Variants in THBS4 observed in about 807,000 individuals in gnomAD.
The protein encoded by THBS4 is thrombospondin-4.
Under a neutral mutation model 115.7 loss-of-function variants are expected in THBS4, and 90 were observed. That is an observed-to-expected ratio of 0.78 (90% CI 0.66 to 0.93). THBS4 has a LOEUF of 0.93. THBS4 is among the 40% of genes least tolerant of loss of function. THBS4 has a pLI of 0.00. For missense variants in THBS4, 1,087 were observed against 1,232.7 expected (o/e 0.88, Z 1.77); for synonymous variants, 460 against 479.3 (o/e 0.96, Z 0.53).
Position 80,055,975 on chromosome 5 carries a change from T to C in THBS4, c.483T>C (p.Ala161=), listed in dbSNP as rs1439987626. The C allele has an allele frequency of 1.2e-6, 2 of 1,613,872 alleles. No homozygotes were observed. Among genetic ancestry groups the C allele is most frequent in the Middle Eastern group, 1.7e-4 (1 of 6,060 alleles). Residue 161 remains alanine, a synonymous_variant, in exon 3 of 22, where the codon GCT becomes GCC. Transcript: ENST00000350881. ...DSVHNLPRAF[A]GPSQKPETIE... ...TTCACAATCTCCCCAGGGCCTTTGC[T>C]GGCCCCTCCCAGAAACCTGAGACCA...
chr5:80,061,712 C>T lies in THBS4; in HGVS notation c.1005C>T (p.Cys335=). The T allele has an allele frequency of 6.2e-7, 1 of 1,613,320 alleles. No homozygotes were observed. Residue 335 remains cysteine, a synonymous_variant, in exon 8 of 22, where the codon TGC becomes TGT. Coordinates refer to ENST00000350881, the MANE Select transcript of THBS4 (RefSeq NM_003248.6). The part of the protein sequence containing the change: ...IDVDECKYHP[C]YPGVHCINLS... ...GTCTCCAGTGCAAATACCATCCCTG[C>T]TACCCGGGCGTGCACTGCATAAATT...
chr5:80,031,298 G>C (rs369838531), upstream of THBS4, among the ~76,000 whole-genome samples: 1 of 152,308 alleles, frequency 6.6e-6, no homozygotes, highest in South Asian at 2.1e-4. Context: ...GCCAAGGAAG[G>C]AGCACCTAGG....
rs964976171 is a variant in THBS4 at position 80,082,393 on chromosome 5, G to A, written c.2685-13G>A. Reference sequence around the variant, plus strand: ...GGATTTCATGGAGGCCCCTCCGGCCGTGTTGTCCGCAGGGTACGATTTTAT... The same window carrying A: ...GGATTTCATGGAGGCCCCTCCGGCCATGTTGTCCGCAGGGTACGATTTTAT... On this transcript the variant is annotated splice_polypyrimidine_tract_variant and intron_variant, in intron 20 of 21. Coordinates refer to ENST00000350881, the MANE Select transcript of THBS4 (RefSeq NM_003248.6). 1.9e-6 allele frequency: 3 copies of A among 1,612,724 alleles called. No homozygotes were observed. Among genetic ancestry groups the A allele is most frequent in the East Asian group, 2.2e-5 (1 of 44,860 alleles).
chr5:80,021,490 G>A (rs1832373878), intron 2 of THBS4, among the ~76,000 whole-genome samples: 1 of 151,820 alleles, frequency 6.6e-6, no homozygotes, highest in Admixed American at 6.6e-5. Flanking sequence ...AGATAAAGTA[G>A]TGACTCTAAG....
chr5:80,030,386 G>T (rs572372383), upstream of THBS4, among the ~76,000 whole-genome samples: 131 of 149,930 alleles, frequency 8.7e-4, no homozygotes, highest in Middle Eastern at 6.9e-3. Context: ...TTTTTTTTTT[G>T]AGACAGAGTC....
chr5:80,078,653 T>A (rs1190760939), intron 17 of THBS4, among the ~76,000 whole-genome samples: 1 of 152,174 alleles, frequency 6.6e-6, no homozygotes, highest in African/African-American at 2.4e-5. Context: ...TGTTGTATGC[T>A]CCCCAGTTAA....
At position 80,059,842 on chromosome 5, in the gene THBS4, C is replaced by G; in HGVS notation, c.924C>G (p.Phe308Leu). Reference sequence around the variant, plus strand: ...AATGTACCGACAGTAGAGATGGCTTCCAGTGTGGGCCCTGCCCCGAGGGCT... The same window carrying G: ...AATGTACCGACAGTAGAGATGGCTTGCAGTGTGGGCCCTGCCCCGAGGGCT... ...GVQCTDSRDGFQCGPCPEGYT... is the reference protein window; with the variant it reads ...GVQCTDSRDGLQCGPCPEGYT... Residue 308 changes from phenylalanine to leucine, a missense_variant, in exon 7 of 22, where the codon TTC becomes TTG. Physicochemically the swap from Phe to Leu is conservative, Grantham distance 22 (BLOSUM62 0). Around this residue, in one of 3 missense-constraint regions of THBS4, gnomAD observed 979 missense variants for 1,103.7 expected, o/e 0.89. Coordinates refer to ENST00000350881, the MANE Select transcript of THBS4 (RefSeq NM_003248.6). The G allele has an allele frequency of 6.2e-7, 1 of 1,613,758 alleles. No individual in the cohort carries two copies. Among genetic ancestry groups the G allele is most frequent in the Non-Finnish European group, 8.5e-7 (1 of 1,179,954 alleles).
At chr5:80,033,553 A>G (rs1417302339), upstream of THBS4, among the ~76,000 whole-genome samples, 1 of 152,194 alleles carries the variant, frequency 6.6e-6, no homozygotes, top group African/African-American at 2.4e-5. Context: ...CAGGTCACAG[A>G]GAAGTAAATA....
In THBS4 at chr5:80,082,519, G is replaced by A; in HGVS notation, c.2798G>A (p.Trp933Ter). ...VFCFSQENIIWSNLKYRCNDT... is the reference protein window; with the variant it reads ...VFCFSQENII ...TGCTTCTCTCAAGAAAACATCATCT[G>A]GTCCAACCTCAAGTATCGCTGCAAT... The change falls in exon 21 of 22, where the codon TGG becomes TAG. Residue 933 changes from tryptophan (W) to a stop codon, truncating the protein, a stop_gained. Transcript: ENST00000350881. LOFTEE classifies it high-confidence loss of function. 6.2e-7 allele frequency: 1 copy of A among 1,614,144 alleles called. No homozygotes were observed. Among genetic ancestry groups the A allele is most frequent in the South Asian group, 1.1e-5 (1 of 91,080 alleles).
chr5:80,072,173 G>T, intron 13 of THBS4, 105 bp from the exon 14 acceptor site: 1 of 974,392 alleles, frequency 1.0e-6, no homozygotes, highest in South Asian at 1.4e-5. Context: ...GTCTCTGTGT[G>T]ACACTGGCCC....
chr5:79,998,296 C>G (rs974397886), intron 1 of THBS4: 9 of 152,320 alleles, frequency 5.9e-5, no homozygotes, highest in African/African-American at 2.2e-4. Flanking sequence ...GAACATGTGT[C>G]GCATCTCCCC....
At position 80,080,049 on chromosome 5, in the gene THBS4, C is replaced by T. The variant is rs1180303901; in HGVS notation, c.2656C>T (p.Gln886Ter). The change falls in exon 20 of 22, where the codon CAG becomes TAG. Residue 886 changes from glutamine (Q) to a stop codon, truncating the protein, a stop_gained. Transcript: ENST00000350881. LOFTEE classifies it high-confidence loss of function. ...KDKVSYRWFLQHRPQVGYIRV... is the reference protein window; with the variant it reads ...KDKVSYRWFL ...CAAGGTGTCCTACCGCTGGTTCCTA[C>T]AGCACAGGCCCCAGGTGGGCTACAT... The T allele has an allele frequency of 1.9e-6, 3 of 1,613,958 alleles. No homozygotes were observed. The highest frequency in any genetic ancestry group is 2.7e-5 in the African/African-American group (2 of 74,930).
At chr5:80,076,754 G>A (rs921881031) in intron 15 of THBS4, 101 bp from the exon 16 acceptor site, 11 of 1,243,692 alleles carry the variant, frequency 8.8e-6, no homozygotes, top group Admixed American at 2.7e-5. Context: ...AGCCAACCCT[G>A]GTTTAAAAAA....
intron 2 of THBS4, among the ~76,000 whole-genome samples, chr5:80,011,260 G>T (rs1048215656): frequency 2.6e-5 from 4 of 152,060 alleles, no homozygotes. Context: ...TCCATTAAAC[G>T]TCTTTCTTTT....
At chr5:80,040,502 G>A (rs1214529215) in intron 2 of THBS4, among the ~76,000 whole-genome samples, 1 of 152,122 alleles carries the variant, frequency 6.6e-6, no homozygotes, top group Non-Finnish European at 1.5e-5. Context: ...AAAAAGAATT[G>A]CTGTGACCAA....
intron 1 of THBS4, among the ~76,000 whole-genome samples, chr5:80,039,676 C>T (rs887160082): frequency 5.3e-5 from 8 of 152,286 alleles, no homozygotes; most frequent in Admixed American, 1.3e-4. Flanking sequence ...TATGGGACTC[C>T]GTGACAGAAA....
intron 2 of THBS4, among the ~76,000 whole-genome samples, chr5:80,046,807 T>C (rs890326753): frequency 7.2e-5 from 11 of 152,358 alleles, no homozygotes; most frequent in African/African-American, 2.6e-4. Context: ...GACAGGGCTC[T>C]GTCTTGGGTA....
At position 80,059,889 on chromosome 5, in the gene THBS4, G is replaced by C; in HGVS notation, c.971G>C (p.Cys324Ser). 1.2e-5 allele frequency: 19 copies of C among 1,613,998 alleles called. No individual in the cohort carries two copies. Among genetic ancestry groups the C allele is most frequent in the Non-Finnish European group, 1.4e-5 (17 of 1,180,020 alleles). ...PEGYTGNGIT[C>S]IDVDECKYHP... is the part of the protein sequence containing the mutation. Reference sequence around the variant, plus strand: ...GGCTACACAGGAAACGGGATCACCTGTATTGATGTTGATGAGGTAAAAGTT... The same window carrying C: ...GGCTACACAGGAAACGGGATCACCTCTATTGATGTTGATGAGGTAAAAGTT... The change falls in exon 7 of 22, where the codon TGT (cysteine) becomes TCT (serine). Residue 324 changes from cysteine (C) to serine (S), a missense_variant. This residue lies in a region of THBS4 where 979 missense variants were observed against 1,103.7 expected (regional missense o/e 0.89). Transcript: ENST00000350881.
intron 2 of THBS4, among the ~76,000 whole-genome samples, chr5:80,055,139 T>C (rs1043207903): frequency 6.6e-6 from 1 of 151,938 alleles, no homozygotes; most frequent in African/African-American, 2.4e-5. Flanking sequence ...CTGGGCAACA[T>C]GGCAAAACCC....
Sources: allele counts gnomAD v4.1 joint callset (sites outside exome capture counted in the v4.1 genomes callset), GRCh38; gene constraint gnomAD v4.1.1; regional missense constraint gnomAD v4.1.1; transcripts MANE v1.5; gene names NCBI Gene and HGNC (gene_info 2026-07-23, HGNC 2026-07-21).